The following SLIT1 variants were observed in gnomAD, a reference collection of about 807,000 sequenced individuals.
The protein encoded by SLIT1 is slit homolog 1 protein.
SLIT1 carries 66 observed loss-of-function variants against 186.1 expected under a neutral mutation model. The ratio of observed to expected loss-of-function variants is 0.35; its 90% confidence interval spans 0.29 to 0.44. The LOEUF is 0.44. Ranked by LOEUF, SLIT1 falls within the 20% of genes least tolerant of loss-of-function variation. The pLI, the probability that SLIT1 is intolerant of heterozygous loss-of-function variation, is 1.00. For synonymous variants in SLIT1, 761 were observed against 833.8 expected (o/e 0.91, Z 1.50); for missense variants, 1,638 against 2,037.4 (o/e 0.80, Z 3.77).
chr10:97,012,796 G>A (rs1048799599), intron 30 of SLIT1, among the ~76,000 whole-genome samples: 3 of 152,174 alleles, frequency 2.0e-5, no homozygotes, highest in African/African-American at 4.8e-5. Context: ...TAGACAGGGG[G>A]CTCCTGGGGG....
chr10:97,043,087 C>A lies in SLIT1; in HGVS notation c.1998-20G>T, dbSNP rs199574414. On this transcript the variant is annotated intron_variant, in intron 19 of 36. Coordinates refer to ENST00000266058, the MANE Select transcript of SLIT1 (RefSeq NM_003061.3). This position sits in a 1 kb window ranked among gnomAD's most constrained non-coding sequence, Gnocchi z 7.0. ...AGATTCCTGGAAGAGGCAGGCCAGG[C>A]GGCCATGGAGACACTCTGCCCCTCT... 26 of 1,610,340 alleles carry A rather than the reference C, an allele frequency of 1.6e-5. No individual in the cohort carries two copies. Among genetic ancestry groups the A allele is most frequent in the Non-Finnish European group, 2.2e-5 (26 of 1,178,076 alleles).
chr10:97,088,307 C>T (rs530575323), intron 4 of SLIT1, among the ~76,000 whole-genome samples: 2 of 152,316 alleles, frequency 1.3e-5, no homozygotes, highest in African/African-American at 4.8e-5. Context: ...ATGGTGCCAC[C>T]TCTTTCTCCA....
chr10:97,161,018 C>T (rs1481110610), intron 3 of SLIT1, among the ~76,000 whole-genome samples: 2 of 152,204 alleles, frequency 1.3e-5, no homozygotes, highest in Non-Finnish European at 2.9e-5. Flanking sequence ...AGCCACCGTG[C>T]CTGGCTGGTA....
chr10:97,099,228 T>A (rs114074745), intron 4 of SLIT1, among the ~76,000 whole-genome samples: 1 of 151,558 alleles, frequency 6.6e-6, no homozygotes, highest in Admixed American at 6.6e-5. Flanking sequence ...CAGGGCTTGA[T>A]GTGGGGATTC....
At position 97,045,069 on chromosome 10, in the gene SLIT1, G is replaced by A. The variant is rs187290253; in HGVS notation, c.1854-1556C>T. ...GTCTGCAACCCAGAAGAGGGCCCTCGCCAGAACCCATCCATGCTGGCACCC... is the reference window on the plus strand; with the variant it reads ...GTCTGCAACCCAGAAGAGGGCCCTCACCAGAACCCATCCATGCTGGCACCC... On this transcript the variant is annotated intron_variant, in intron 18 of 36. Coordinates refer to ENST00000266058, the MANE Select transcript of SLIT1 (RefSeq NM_003061.3). Among the ~76,000 whole-genome samples, 10 of 152,254 alleles carry A rather than the reference G, an allele frequency of 6.6e-5. No homozygotes were observed. The East Asian group carries it at 1.2e-3, about 18-fold the overall frequency.
At chr10:97,016,160 T>G (rs1044850191) in intron 28 of SLIT1, among the ~76,000 whole-genome samples, 1 of 151,910 alleles carries the variant, frequency 6.6e-6, no homozygotes, top group African/African-American at 2.4e-5. Flanking sequence ...AATACAAAAA[T>G]TAGCCGGGTG....
chr10:97,156,984 T>G (rs1161873649), intron 4 of SLIT1, among the ~76,000 whole-genome samples: 1 of 152,216 alleles, frequency 6.6e-6, no homozygotes, highest in Non-Finnish European at 1.5e-5. Flanking sequence ...TGACAGCTCT[T>G]CAAAAACTAG....
chr10:97,041,718 G>C (rs183900877), intron 20 of SLIT1, among the ~76,000 whole-genome samples: 1 of 152,092 alleles, frequency 6.6e-6, no homozygotes, highest in Non-Finnish European at 1.5e-5. Context: ...GGATCTGCCC[G>C]CCTCGGCCTC....
Position 97,085,879 on chromosome 10 carries a change from A to T in SLIT1, c.414-19793T>A, listed in dbSNP as rs1445261072. Among the ~76,000 whole-genome samples, 3 of 152,302 alleles carry T rather than the reference A, an allele frequency of 2.0e-5. No homozygotes were observed. In the East Asian group the frequency reaches 5.8e-4, roughly 29 times the overall value. The stretch of plus-strand genomic sequence containing the variant: ...AAAAAGGTCAAAACTAGCCCTTGGG[A>T]GGGGTCTGCGATGTTTTGACATTAA... On this transcript the variant is annotated intron_variant, in intron 4 of 36. Transcript: ENST00000266058.
intron 4 of SLIT1, among the ~76,000 whole-genome samples, chr10:97,149,469 G>A (rs917705406): frequency 6.6e-6 from 1 of 152,138 alleles, no homozygotes; most frequent in African/African-American, 2.4e-5. Context: ...GAACCGGGCG[G>A]GGCAGAAGCA....
At chr10:97,180,255 A>G (rs969282742) in intron 1 of SLIT1, among the ~76,000 whole-genome samples, 1 of 152,212 alleles carries the variant, frequency 6.6e-6, no homozygotes, top group Non-Finnish European at 1.5e-5. Context: ...ACTACCATTT[A>G]TTGAGCACTC....
intron 7 of SLIT1, 89 bp from the exon 8 acceptor site, chr10:97,063,707 C>T: frequency 2.9e-6 from 4 of 1,393,408 alleles, no homozygotes; most frequent in South Asian, 2.9e-5. Flanking sequence ...GGAGGCTGCC[C>T]CCGGTGCTGT....
intron 13 of SLIT1, among the ~76,000 whole-genome samples, chr10:97,050,972 C>T (rs1848780912): frequency 6.6e-6 from 1 of 151,014 alleles, no homozygotes; most frequent in African/African-American, 2.4e-5. Flanking sequence ...AGAGAGAACA[C>T]TCAAGAGGAA....
chr10:97,071,741 G>A (rs1179223963), intron 4 of SLIT1, among the ~76,000 whole-genome samples: 3 of 152,180 alleles, frequency 2.0e-5, no homozygotes, highest in Admixed American at 6.5e-5. Flanking sequence ...CACGGGACAC[G>A]TATAAGTCTA....
At chr10:97,175,713 C>T (rs1009961228) in intron 1 of SLIT1, among the ~76,000 whole-genome samples, 1 of 152,118 alleles carries the variant, frequency 6.6e-6, no homozygotes, top group African/African-American at 2.4e-5. Context: ...TGGGACCTAC[C>T]CCCAAACCAC....
At chr10:97,121,388 A>G (rs1440004208) in intron 4 of SLIT1, among the ~76,000 whole-genome samples, 1 of 152,042 alleles carries the variant, frequency 6.6e-6, no homozygotes, top group Non-Finnish European at 1.5e-5. Flanking sequence ...CCCTTCAAAC[A>G]TGTGCAGAGC....
rs147380885 is a variant in SLIT1 at position 97,057,320 on chromosome 10, C to G, written c.1086-39G>C. The G allele has an allele frequency of 1.2e-3, 1,829 of 1,568,778 alleles. 16 individuals are homozygous for G. The African/African-American group carries it at 0.021, about 18-fold the overall frequency. On this transcript the variant is annotated intron_variant, in intron 11 of 36. Transcript: ENST00000266058. The stretch of plus-strand genomic sequence containing the variant: ...AGCAGAGAGGAGGGTTAGAGGACAG[C>G]CCACCAGGGCAATAGCACAACTCTG...
At chr10:97,002,591 C>T (rs1434017382) in intron 35 of SLIT1, 113 bp downstream of exon 35, 2 of 1,065,228 alleles carry the variant, frequency 1.9e-6, no homozygotes, top group African/African-American at 3.2e-5. Context: ...AGTAATAAAA[C>T]CCTGGCTTAG....
intron 1 of SLIT1, among the ~76,000 whole-genome samples, chr10:97,168,876 G>A (rs1265097473): frequency 6.6e-6 from 1 of 152,132 alleles, no homozygotes; most frequent in Non-Finnish European, 1.5e-5. Flanking sequence ...GACAAACACT[G>A]ACTTATCTGA....
Sources: allele counts gnomAD v4.1 joint callset (sites outside exome capture counted in the v4.1 genomes callset), GRCh38; gene constraint gnomAD v4.1.1; non-coding constraint Gnocchi (gnomAD v3.1); transcripts MANE v1.5; gene names NCBI Gene and HGNC (gene_info 2026-07-23, HGNC 2026-07-21).